The following PTPRM variants were observed in gnomAD, a reference collection of about 807,000 sequenced individuals.
The protein encoded by PTPRM is protein tyrosine phosphatase receptor type M.
A neutral mutation model predicts 186.7 loss-of-function variants in PTPRM; 47 were observed. That is an observed-to-expected ratio of 0.25 (90% CI 0.20 to 0.32). The LOEUF (loss-of-function observed/expected upper bound fraction) is 0.32, where lower values mean the gene tolerates loss of function less well. PTPRM is among the 10% of genes least tolerant of loss of function. The pLI is 1.00. For synonymous variants in PTPRM, 668 were observed against 674.9 expected, an observed-to-expected ratio of 0.99 and a Z score of 0.16; for missense variants, 1,494 against 1,865.0, an observed-to-expected ratio of 0.80 and a Z score of 3.66.
intron 7 of PTPRM, among the ~76,000 whole-genome samples, chr18:8,023,587 A>C (rs2085360363): frequency 1.3e-5 from 2 of 152,162 alleles, no homozygotes; most frequent in Non-Finnish European, 2.9e-5. Flanking sequence ...GTACACAAAT[A>C]GTTTTAGAGT....
chr18:7,946,789 T>C (rs2052554889), intron 5 of PTPRM: 1 of 371,234 alleles, frequency 2.7e-6, no homozygotes, highest in South Asian at 2.0e-5. Context: ...CTAAAGATAA[T>C]GTTGATGGAA....
At chr18:8,264,542 G>A (rs757655159) in intron 19 of PTPRM, among the ~76,000 whole-genome samples, 2 of 151,906 alleles carry the variant, frequency 1.3e-5, no homozygotes, top group Admixed American at 1.3e-4. Flanking sequence ...AGGCCGAGGC[G>A]GGCAGATCAT....
chr18:7,773,081 C>T (rs1434723267), intron 1 of PTPRM, among the ~76,000 whole-genome samples: 1 of 151,834 alleles, frequency 6.6e-6, no homozygotes, highest in Non-Finnish European at 1.5e-5. Context: ...AGCTGAATTA[C>T]TATGTATATT....
At chr18:7,777,483 A>G (rs2042644610) in intron 2 of PTPRM, among the ~76,000 whole-genome samples, 1 of 152,208 alleles carries the variant, frequency 6.6e-6, no homozygotes, top group African/African-American at 2.4e-5. Context: ...AGTAGTGGCA[A>G]CAGAGACTGG....
intron 1 of PTPRM, among the ~76,000 whole-genome samples, chr18:7,772,290 C>CTTTTCTTTTCTTT (rs1180359946): frequency 2.6e-5 from 2 of 77,982 alleles, no homozygotes; most frequent in African/African-American, 1.2e-4. Context: ...TTTTCTTTCT[C>CTTTTCTTTTCTTT]TCCTTCCTTC....
At chr18:7,661,027 A>T (rs1411061532) in intron 1 of PTPRM, among the ~76,000 whole-genome samples, 1 of 152,168 alleles carries the variant, frequency 6.6e-6, no homozygotes, top group Non-Finnish European at 1.5e-5. Flanking sequence ...TTCTAACATG[A>T]CAATGTCAGC....
intron 21 of PTPRM, among the ~76,000 whole-genome samples, chr18:8,317,479 G>A (rs990412308): frequency 1.3e-5 from 2 of 152,090 alleles, no homozygotes; most frequent in Non-Finnish European, 2.9e-5. Flanking sequence ...GGTCTAGGCT[G>A]GAAACAAGAA....
chr18:8,285,960 C>T (rs56251670), intron 19 of PTPRM, among the ~76,000 whole-genome samples: 40,228 of 152,138 alleles, frequency 0.26, 6,216 homozygotes, highest in Middle Eastern at 0.38. Flanking sequence ...CACTGCACTC[C>T]AGCCTGGGCA....
At chr18:7,858,854 T>C (rs1354762880) in intron 2 of PTPRM, among the ~76,000 whole-genome samples, 1 of 152,194 alleles carries the variant, frequency 6.6e-6, no homozygotes, top group Non-Finnish European at 1.5e-5. Context: ...AGGATATCTA[T>C]AAACAAGTCC....
At chr18:7,851,963 T>C (rs1488081821) in intron 2 of PTPRM, among the ~76,000 whole-genome samples, 1 of 152,196 alleles carries the variant, frequency 6.6e-6, no homozygotes, top group Non-Finnish European at 1.5e-5. Context: ...CAAACTGATA[T>C]TGAACTTCAG....
chr18:7,785,391 A>C (rs1391158928), intron 2 of PTPRM, among the ~76,000 whole-genome samples: 1 of 152,158 alleles, frequency 6.6e-6, no homozygotes, highest in East Asian at 1.9e-4. Flanking sequence ...GAAGTGTTAA[A>C]AGATATAAGT....
At chr18:8,080,784 T>C (rs1222196070) in intron 9 of PTPRM, among the ~76,000 whole-genome samples, 1 of 152,158 alleles carries the variant, frequency 6.6e-6, no homozygotes, top group Non-Finnish European at 1.5e-5. Context: ...CATCTCCTAC[T>C]ATTTTTCTTC....
chr18:7,691,391 T>C (rs2039729220), intron 1 of PTPRM, among the ~76,000 whole-genome samples: 1 of 152,176 alleles, frequency 6.6e-6, no homozygotes. Context: ...CTTAATTTTC[T>C]CTTATCTCAA....
At chr18:8,082,537 C>A (rs546478033) in intron 9 of PTPRM, among the ~76,000 whole-genome samples, 1 of 143,956 alleles carries the variant, frequency 6.9e-6, no homozygotes, top group African/African-American at 2.5e-5. Flanking sequence ...CTCCCTCTCT[C>A]CCCTTCTCTC....
intron 1 of PTPRM, among the ~76,000 whole-genome samples, chr18:7,687,580 TA>T (rs1179057586): frequency 6.6e-6 from 1 of 152,178 alleles, no homozygotes; most frequent in African/African-American, 2.4e-5. Context: ...TAGAATAATT[TA>T]AGTTTCCATT....
At chr18:7,750,662 C>T (rs565716952) in intron 1 of PTPRM, among the ~76,000 whole-genome samples, 1 of 152,278 alleles carries the variant, frequency 6.6e-6, no homozygotes, top group South Asian at 2.1e-4. Flanking sequence ...ACTTTCAGCA[C>T]AGGTTCTTTT....
intron 1 of PTPRM, among the ~76,000 whole-genome samples, chr18:7,693,578 T>C (rs1485647673): frequency 2.0e-5 from 3 of 152,344 alleles, no homozygotes; most frequent in African/African-American, 7.2e-5. Context: ...ATGTATTGAC[T>C]ACCTACCATG....
At position 7,858,668 on chromosome 18, in the gene PTPRM, A is replaced by C. The variant is rs186137858; in HGVS notation, c.197-29438A>C. Among the ~76,000 whole-genome samples, 679 of 152,354 alleles carry C rather than the reference A, an allele frequency of 4.5e-3. 2 individuals carry two copies. The highest frequency in any genetic ancestry group is 0.015 in the African/African-American group (642 of 41,592). On this transcript the variant is annotated intron_variant, in intron 2 of 32. Coordinates refer to ENST00000580170, the MANE Select transcript of PTPRM (RefSeq NM_001105244.2). ...TAATACAAGTGTTAATATATGTAGA[A>C]TACTTAACGCAGTGCGTGGAAATGT...
intron 2 of PTPRM, among the ~76,000 whole-genome samples, chr18:7,876,215 CA>C (rs932495901): frequency 1.3e-5 from 2 of 151,852 alleles, no homozygotes; most frequent in African/African-American, 4.8e-5. Context: ...TTGGTTTAGT[CA>C]AATTAAATTT....
Sources: gnomAD v4.1 joint callset for allele counts (sites outside exome capture counted in the v4.1 genomes callset) on GRCh38, gnomAD v4.1.1 for gene constraint, MANE v1.5 for transcripts, NCBI Gene and HGNC (gene_info 2026-07-23, HGNC 2026-07-21) for gene names.